The following NRAP variants were observed in gnomAD, a reference collection of about 807,000 sequenced individuals.
The protein encoded by NRAP is nebulin-related-anchoring protein.
In NRAP, 189 loss-of-function variants were observed where a neutral mutation model predicts 225.9. The observed-to-expected ratio is 0.84, with a 90% CI of 0.74 to 0.94. NRAP has a LOEUF of 0.94. NRAP is among the 40% of genes least tolerant of loss of function. NRAP has a pLI of 0.00. For synonymous variants in NRAP, 769 were observed against 790.7 expected (o/e 0.97, Z 0.46); for missense variants, 2,176 against 2,168.7 (o/e 1.00, Z -0.07).
At chr10:113,598,281 G>A (rs897639324) in intron 35 of NRAP, among the ~76,000 whole-genome samples, 2 of 147,174 alleles carry the variant, frequency 1.4e-5, no homozygotes, top group South Asian at 2.3e-4. Context: ...CATCACATAC[G>A]AGATACAAGA....
chr10:113,612,603 AG>A (rs1442573977), intron 29 of NRAP, among the ~76,000 whole-genome samples, 172 bp from the exon 30 acceptor site: 1 of 152,134 alleles, frequency 6.6e-6, no homozygotes, highest in African/African-American at 2.4e-5. Context: ...GCTTGTCTCT[AG>A]GCCCTGACAC....
rs145855759 is a variant in NRAP, at chr10:113,590,827, G to A, written c.4707C>T (p.Asp1569=). 362 of 1,614,194 alleles carry A rather than the reference G, an allele frequency of 2.2e-4. 5 individuals are homozygous for A. In the South Asian group the frequency reaches 3.2e-3, roughly 14 times the overall value. The change falls in exon 40 of 42, where the codon GAC becomes GAT. Residue 1569 remains aspartate (D), a synonymous_variant. Coordinates refer to ENST00000359988, the MANE Select transcript of NRAP (RefSeq NM_198060.4). The part of the protein sequence containing the change: ...RGLQIGYRSV[D]DDPRMKHFLN... Reference sequence around the variant, plus strand: ...GGAAATGCTTCATCCTTGGGTCATCGTCGACACTGCGGTACCCGATCTGCA... The same window carrying A: ...GGAAATGCTTCATCCTTGGGTCATCATCGACACTGCGGTACCCGATCTGCA...
At chr10:113,646,889 T>G in intron 10 of NRAP, 34 bp downstream of exon 10, 1 of 1,407,518 alleles carries the variant, frequency 7.1e-7, no homozygotes, top group Non-Finnish European at 1.0e-6. Flanking sequence ...CTTCTCTGCC[T>G]CTGGCTCTGT....
chr10:113,636,510 G>C (rs1395748826), intron 14 of NRAP, among the ~76,000 whole-genome samples: 1 of 152,172 alleles, frequency 6.6e-6, no homozygotes, highest in Non-Finnish European at 1.5e-5. Flanking sequence ...CCAATGCTTG[G>C]CCTTACTGTT....
intron 23 of NRAP, 123 bp from the exon 24 acceptor site, chr10:113,622,303 T>C (rs1848045191): frequency 6.0e-6 from 4 of 670,096 alleles, no homozygotes; most frequent in Admixed American, 6.0e-5. Context: ...ATTAGAATCA[T>C]ATGAAAGTTT....
chr10:113,633,159 A>G lies in NRAP; in HGVS notation c.1557T>C (p.Asn519=). The change falls in exon 16 of 42, where the codon AAT becomes AAC. Residue 519 remains asparagine (N), a synonymous_variant. Coordinates refer to ENST00000359988, the MANE Select transcript of NRAP (RefSeq NM_198060.4). ...CCTGGGGCAATGTGTAATTCAACTTATTTTTCTCATAGTCAGCACGGTAAT... is the reference window on the plus strand; with the variant it reads ...CCTGGGGCAATGTGTAATTCAACTTGTTTTTCTCATAGTCAGCACGGTAAT... ...HVNYRADYEK[N]KLNYTLPQDV... The G allele has an allele frequency of 6.2e-7, 1 of 1,606,786 alleles. No homozygotes were observed. The highest frequency in any genetic ancestry group is 8.5e-7 in the Non-Finnish European group (1 of 1,173,464).
At chr10:113,621,500 A>T (rs2133982102) in intron 24 of NRAP, among the ~76,000 whole-genome samples, 1 of 152,248 alleles carries the variant, frequency 6.6e-6, no homozygotes, top group African/African-American at 2.4e-5. Flanking sequence ...CCATTCCAAA[A>T]ATGGGGACTA....
chr10:113,625,555 G>A (rs1848236888), intron 21 of NRAP, among the ~76,000 whole-genome samples: 1 of 152,188 alleles, frequency 6.6e-6, no homozygotes, highest in Non-Finnish European at 1.5e-5. Flanking sequence ...GGAAAGCTAG[G>A]AAAGTCCTGG....
At chr10:113,650,806 G>C (rs569655199) in intron 7 of NRAP, among the ~76,000 whole-genome samples, 1 of 152,138 alleles carries the variant, frequency 6.6e-6, no homozygotes, top group Non-Finnish European at 1.5e-5. Flanking sequence ...CCAGGCACTG[G>C]GCCTGGGCAG....
intron 14 of NRAP, among the ~76,000 whole-genome samples, chr10:113,636,505 G>A (rs1848875550): frequency 6.6e-6 from 1 of 152,162 alleles, no homozygotes; most frequent in African/African-American, 2.4e-5. Flanking sequence ...CAAGTCCAAT[G>A]CTTGGCCTTA....
chr10:113,597,081 C>T lies in NRAP; in HGVS notation c.4431+5G>A. 1 of 1,596,978 alleles carries T rather than the reference C, an allele frequency of 6.3e-7. No homozygotes were observed. Among genetic ancestry groups the T allele is most frequent in the South Asian group, 1.1e-5 (1 of 90,694 alleles). ...GCCCGGGATGAATGACAAGAAAGGA[C>T]CCACCTCATTGCAGTGCATATAGCT... On this transcript the variant is annotated splice_donor_5th_base_variant and intron_variant, in intron 37 of 41. Transcript: ENST00000359988.
In NRAP at chr10:113,642,963, C is replaced by T. The variant is rs149227886; in HGVS notation, c.1186G>A (p.Val396Met). 1.6e-5 allele frequency: 25 copies of T among 1,604,652 alleles called. No homozygotes were observed. The highest frequency in any genetic ancestry group is 1.6e-4 in the Middle Eastern group (1 of 6,068). Reference sequence around the variant, plus strand: ...CTGGTAAATTTTGAGATCTTGCTCACGTTCCTGAATTGAGGTGTTTCACAG... The same window carrying T: ...CTGGTAAATTTTGAGATCTTGCTCATGTTCCTGAATTGAGGTGTTTCACAG... ...NYCETPQFRNVSKISKFTSDN... is the reference protein window; with the variant it reads ...NYCETPQFRNMSKISKFTSDN... Residue 396 changes from valine (V) to methionine (M), a missense_variant, in exon 12 of 42, where the codon GTG becomes ATG. Transcript: ENST00000359988.
intron 27 of NRAP, among the ~76,000 whole-genome samples, chr10:113,615,156 G>C (rs1044497811): frequency 5.9e-5 from 9 of 152,056 alleles, no homozygotes; most frequent in Non-Finnish European, 1.3e-4. Context: ...GATGGGGTTG[G>C]GGGGGATGGG....
In NRAP at chr10:113,641,443, G is replaced by A; in HGVS notation, c.1245C>T (p.His415=). 2 of 1,613,426 alleles carry A rather than the reference G, an allele frequency of 1.2e-6. No individual in the cohort carries two copies. The highest frequency in any genetic ancestry group is 1.7e-6 in the Non-Finnish European group (2 of 1,179,410). Residue 415 remains histidine (H), a synonymous_variant, in exon 13 of 42, where the codon CAC becomes CAT. Transcript: ENST00000359988. ...DNKYKENYQN[H]MRGRYEGVGM... Reference sequence around the variant, plus strand: ...CAACTCCTTCATAGCGGCCTCTCATGTGGTTCTGGTAGTTTTCTTTATATT... The same window carrying A: ...CAACTCCTTCATAGCGGCCTCTCATATGGTTCTGGTAGTTTTCTTTATATT...
chr10:113,612,274 C>G lies in NRAP; in HGVS notation c.3458G>C (p.Arg1153Thr), dbSNP rs367662322. ...PQYTSLAEDL[R>T]LSCAKKAHKL... is the part of the protein sequence containing the mutation. ...GTGAGCTTTCTTGGCACAGCTCAGC[C>G]TCAGGTCTTCTGCCAAGGAAGTGTA... Residue 1153 changes from arginine to threonine, a missense_variant, in exon 30 of 42, where the codon AGG becomes ACG. This residue lies in a region of NRAP where 1,708 missense variants were observed against 1,695.5 expected (regional missense o/e 1.01). Coordinates refer to ENST00000359988, the MANE Select transcript of NRAP (RefSeq NM_198060.4). 1.1e-5 allele frequency: 18 copies of G among 1,614,042 alleles called. No homozygotes were observed. Among genetic ancestry groups the G allele is most frequent in the Non-Finnish European group, 1.4e-5 (17 of 1,180,036 alleles).
intron 7 of NRAP, among the ~76,000 whole-genome samples, chr10:113,651,334 T>C (rs1010328541): frequency 1.3e-5 from 2 of 152,164 alleles, no homozygotes; most frequent in Admixed American, 1.3e-4. Flanking sequence ...CTCTTTTTTA[T>C]TAATTTAATT....
chr10:113,642,076 C>A (rs144287653), intron 12 of NRAP, among the ~76,000 whole-genome samples: 1 of 151,996 alleles, frequency 6.6e-6, no homozygotes, highest in East Asian at 1.9e-4. Context: ...AATCACCTAA[C>A]CTGGGAGGCC....
At chr10:113,614,814 C>T (rs746315119) in intron 28 of NRAP, 25 bp downstream of exon 28, 11 of 1,392,168 alleles carry the variant, frequency 7.9e-6, no homozygotes, top group African/African-American at 7.1e-5. Context: ...TGAACATTGT[C>T]ACAAGAATGG....
rs762837726 is a variant in NRAP, at chr10:113,615,828, AG to A, written c.2974-13del. ...TCCCTGTATAATCTCTGTGGATGGA[AG>A]GAGGTTTTGCATGAAACCTAGACCC... On this transcript the variant is annotated splice_polypyrimidine_tract_variant and intron_variant, in intron 26 of 41. Transcript: ENST00000359988. The A allele has an allele frequency of 7.4e-6, 11 of 1,485,450 alleles. No homozygotes were observed. The highest frequency in any genetic ancestry group is 1.4e-5 in the African/African-American group (1 of 72,706). 92.0% of individuals were successfully genotyped at this position (1,485,450 alleles called of 1,614,324 possible).
Sources: allele counts gnomAD v4.1 joint callset (sites outside exome capture counted in the v4.1 genomes callset), GRCh38; gene constraint gnomAD v4.1.1; regional missense constraint gnomAD v4.1.1; transcripts MANE v1.5; gene names NCBI Gene and HGNC (gene_info 2026-07-23, HGNC 2026-07-21).